Variants in COL4A1 observed in about 807,000 individuals in gnomAD.
The protein encoded by COL4A1 is collagen type IV alpha 1 chain, also known as collagen alpha-1(IV) chain.
A neutral mutation model predicts 216.6 loss-of-function variants in COL4A1; 40 were observed. That is an observed-to-expected ratio of 0.18 (90% CI 0.14 to 0.24). The LOEUF (loss-of-function observed/expected upper bound fraction) is 0.24. Among genes scored for constraint, COL4A1 ranks in the 10% least tolerant of loss-of-function variants. The pLI is 1.00. For synonymous variants in COL4A1, 839 were observed against 810.7 expected (o/e 1.03, Z -0.59); for missense variants, 1,628 against 2,196.8 (o/e 0.74, Z 5.18).
chr13:110,178,254 T>C lies in COL4A1; in HGVS notation c.2459-23A>G, dbSNP rs201945270. The C allele has an allele frequency of 2.1e-5, 34 of 1,613,194 alleles. No individual in the cohort carries two copies. The Middle Eastern group carries it at 5.6e-4, about 27-fold the overall frequency. On this transcript the variant is annotated intron_variant, in intron 31 of 51. Transcript: ENST00000375820. ...GGCCTGCAGTTGGGTGAAACACAAA[T>C]AACTTTTAGCAGAATTTACAGAATG...
intron 2 of COL4A1, among the ~76,000 whole-genome samples, chr13:110,227,433 CACAAACACA>C (rs1880791591): frequency 6.7e-6 from 1 of 149,840 alleles, no homozygotes; most frequent in African/African-American, 2.5e-5. Context: ...CACAAACACA[CACAAACACA>C]GAATCAGAAA....
chr13:110,241,362 A>C (rs940445931), intron 2 of COL4A1, among the ~76,000 whole-genome samples: 2 of 152,178 alleles, frequency 1.3e-5, no homozygotes, highest in Admixed American at 1.3e-4. Context: ...AGTCACATGG[A>C]AAACAGAGGT....
chr13:110,288,230 C>T (rs1883918437), intron 1 of COL4A1, among the ~76,000 whole-genome samples: 1 of 150,558 alleles, frequency 6.6e-6, no homozygotes, highest in Non-Finnish European at 1.5e-5. Context: ...TGCCATTGCA[C>T]TCCAGCCTGA....
At chr13:110,234,051 C>T (rs1017804306) in intron 2 of COL4A1, among the ~76,000 whole-genome samples, 6 of 152,202 alleles carry the variant, frequency 3.9e-5, no homozygotes, top group African/African-American at 1.4e-4. Flanking sequence ...AATGCAGCTG[C>T]TATTCACATG....
intron 2 of COL4A1, among the ~76,000 whole-genome samples, chr13:110,221,052 G>A (rs1594595875): frequency 6.6e-6 from 1 of 152,216 alleles, no homozygotes; most frequent in Non-Finnish European, 1.5e-5. Flanking sequence ...TTCAAGGAGA[G>A]ATTTCTATTG....
chr13:110,160,269 C>T lies in COL4A1; in HGVS notation c.4640+923G>A, dbSNP rs1566338654. On this transcript the variant is annotated intron_variant, in intron 49 of 51. Coordinates refer to ENST00000375820, the MANE Select transcript of COL4A1 (RefSeq NM_001845.6). Reference sequence around the variant, plus strand: ...CATCCTGGCTAACAAGGTGAAACCCCGTCTCTACTAAAAATACAAAAAATT... The same window carrying T: ...CATCCTGGCTAACAAGGTGAAACCCTGTCTCTACTAAAAATACAAAAAATT... 1.5e-5 allele frequency among the ~76,000 whole-genome samples: 2 copies of T among 130,034 alleles called. 1 individual carries two copies. The highest frequency in any genetic ancestry group is 5.5e-4 in the East Asian group (2 of 3,614). The allele number at this position is 130,034 out of a possible 152,430, so 85.3% of individuals were successfully genotyped here. A position where few individuals can be genotyped will look rare whatever the true frequency, so the allele number is the denominator to read the frequency against.
At chr13:110,187,475 C>G in intron 24 of COL4A1, 146 bp from the exon 25 acceptor site, 1 of 908,588 alleles carries the variant, frequency 1.1e-6, no homozygotes, top group South Asian at 1.5e-5. Flanking sequence ...TTTCTAGATG[C>G]AAGCCAGGAG....
At position 110,169,515 on chromosome 13, in the gene COL4A1, C is replaced by CAT. The variant is rs2139154210; in HGVS notation, c.3876+113_3876+114insAT. The CAT allele has an allele frequency of 2.0e-6, 3 of 1,534,888 alleles. No homozygotes were observed. The East Asian group carries it at 7.1e-5, about 37-fold the overall frequency. ...GGAGTGTAACACACACACACACACACACACACACACATATATATACATACA... is the reference window on the plus strand; with the variant it reads ...GGAGTGTAACACACACACACACACACATACACACACACATATATATACATACA... On this transcript the variant is annotated intron_variant, in intron 43 of 51. Coordinates refer to ENST00000375820, the MANE Select transcript of COL4A1 (RefSeq NM_001845.6).
At chr13:110,196,788 G>A (rs1358159639) in intron 21 of COL4A1, among the ~76,000 whole-genome samples, 4 of 152,210 alleles carry the variant, frequency 2.6e-5, no homozygotes, top group South Asian at 4.1e-4. Context: ...CAAGAATGCA[G>A]TGGCAGAACT....
intron 1 of COL4A1, among the ~76,000 whole-genome samples, chr13:110,276,790 T>C (rs1276603077): frequency 6.6e-6 from 1 of 152,202 alleles, no homozygotes; most frequent in African/African-American, 2.4e-5. Flanking sequence ...AGTTCAAAAC[T>C]CTGCAGTATA....
At chr13:110,217,371 T>C (rs1369596081) in intron 2 of COL4A1, among the ~76,000 whole-genome samples, 1 of 152,198 alleles carries the variant, frequency 6.6e-6, no homozygotes. Context: ...GCTACTAACG[T>C]GACCACAGTG....
chr13:110,187,017 G>T, intron 25 of COL4A1, 121 bp downstream of exon 25: 1 of 1,303,820 alleles, frequency 7.7e-7, no homozygotes, highest in Non-Finnish European at 1.1e-6. Flanking sequence ...CATGAAACAA[G>T]TTCATTTGTG....
intron 1 of COL4A1, among the ~76,000 whole-genome samples, chr13:110,256,972 T>C (rs1462590335): frequency 6.6e-6 from 1 of 152,186 alleles, no homozygotes; most frequent in Non-Finnish European, 1.5e-5. Context: ...AAAATCTTCA[T>C]GTTTAGACTA....
intron 1 of COL4A1, among the ~76,000 whole-genome samples, chr13:110,284,463 T>C (rs935766643): frequency 6.6e-6 from 1 of 152,202 alleles, no homozygotes; most frequent in Admixed American, 6.5e-5. Flanking sequence ...GAAGTCAACA[T>C]GATATCCTAA....
chr13:110,170,553 G>A lies in COL4A1; in HGVS notation c.3736C>T (p.Leu1246=), dbSNP rs763950072. The A allele has an allele frequency of 1.2e-6, 2 of 1,601,184 alleles. No individual in the cohort carries two copies. The highest frequency in any genetic ancestry group is 1.7e-6 in the Non-Finnish European group (2 of 1,173,554). Reference sequence around the variant, plus strand: ...CCTGGCGAGATGCCCTTACCTGGCAGGCCAGGCTGGCCCTGAGGTCCGCGG... The same window carrying A: ...CCTGGCGAGATGCCCTTACCTGGCAAGCCAGGCTGGCCCTGAGGTCCGCGG... ...GDRGPQGQPG[L]PGLPGPMGPP... Residue 1246 remains leucine, a synonymous_variant, in exon 42 of 52, where the codon CTG becomes TTG. Coordinates refer to ENST00000375820, the MANE Select transcript of COL4A1 (RefSeq NM_001845.6).
intron 1 of COL4A1, among the ~76,000 whole-genome samples, chr13:110,302,961 A>G (rs1884553124): frequency 1.3e-5 from 2 of 152,206 alleles, no homozygotes; most frequent in Admixed American, 1.3e-4. Context: ...CAATTATTAT[A>G]ACAAATATCA....
At chr13:110,154,908 C>T (rs1876705010) in intron 50 of COL4A1, among the ~76,000 whole-genome samples, 1 of 152,240 alleles carries the variant, frequency 6.6e-6, no homozygotes, top group African/African-American at 2.4e-5. Context: ...TATAGGGAAG[C>T]TGGTTGTATG....
At chr13:110,156,890 G>GT (rs1876812303) in intron 49 of COL4A1, among the ~76,000 whole-genome samples, 1 of 152,176 alleles carries the variant, frequency 6.6e-6, no homozygotes, top group South Asian at 2.1e-4. Flanking sequence ...GTGTGTGTGT[G>GT]TATGTGTGGT....
chr13:110,205,242 A>C, intron 17 of COL4A1, 111 bp downstream of exon 17: 1 of 1,291,744 alleles, frequency 7.7e-7, no homozygotes, highest in East Asian at 2.3e-5. Flanking sequence ...AAGAAGCATA[A>C]ATGATTTTTT....
Sources: allele counts gnomAD v4.1 joint callset (sites outside exome capture counted in the v4.1 genomes callset), GRCh38; gene constraint gnomAD v4.1.1; transcripts MANE v1.5; gene names NCBI Gene and HGNC (gene_info 2026-07-23, HGNC 2026-07-21).